Variants in NRDC observed in about 807,000 individuals in gnomAD.
NRDC encodes the protein nardilysin convertase, also known as nardilysin.
A neutral mutation model predicts 147.1 loss-of-function variants in NRDC; 54 were observed. That is an observed-to-expected ratio of 0.37 (90% CI 0.29 to 0.46). The LOEUF is 0.46. NRDC is among the 20% of genes least tolerant of loss of function. The probability of loss-of-function intolerance (pLI) is 1.00; values close to 1 mark genes in which losing one functional copy is unlikely to be tolerated. For missense variants in NRDC, 1,082 were observed against 1,370.6 expected, an observed-to-expected ratio of 0.79 and a Z score of 3.33; for synonymous variants, 440 against 482.1, an observed-to-expected ratio of 0.91 and a Z score of 1.14.
intron 1 of NRDC, among the ~76,000 whole-genome samples, chr1:51,847,419 T>G (rs1681697465): frequency 6.6e-6 from 1 of 152,152 alleles, no homozygotes; most frequent in Non-Finnish European, 1.5e-5. Flanking sequence ...CTGGGCGCCG[T>G]GGAGCAGGGG....
chr1:51,848,861 G>T (rs928001969), intron 1 of NRDC, among the ~76,000 whole-genome samples: 2 of 152,162 alleles, frequency 1.3e-5, no homozygotes, highest in African/African-American at 4.8e-5. Context: ...AAAAAGGTCT[G>T]TTATTTGCCC....
At chr1:51,850,211 A>G (rs1167739601) in intron 1 of NRDC, among the ~76,000 whole-genome samples, 4 of 152,042 alleles carry the variant, frequency 2.6e-5, no homozygotes, top group Non-Finnish European at 5.9e-5. Flanking sequence ...AAATAAAAAT[A>G]CAGACTTTTA....
At chr1:51,827,455 G>A (rs953557854) in intron 5 of NRDC, among the ~76,000 whole-genome samples, 10 of 152,150 alleles carry the variant, frequency 6.6e-5, no homozygotes, top group African/African-American at 9.7e-5. Flanking sequence ...ATGTAATTAA[G>A]GAATATTTAT....
intron 16 of NRDC, among the ~76,000 whole-genome samples, chr1:51,809,905 CAA>C (rs1342175582): frequency 3.0e-5 from 4 of 132,968 alleles, no homozygotes; most frequent in Non-Finnish European, 3.3e-5. Flanking sequence ...AACTCTGTCT[CAA>C]AAAAAAAAAA....
intron 8 of NRDC, among the ~76,000 whole-genome samples, chr1:51,820,575 T>C (rs1485660310): frequency 1.3e-5 from 2 of 152,100 alleles, no homozygotes; most frequent in Non-Finnish European, 1.5e-5. Flanking sequence ...AGACTTCTAA[T>C]CAGAAAAAAC....
chr1:51,817,960 T>C (rs1215215350), intron 10 of NRDC, 106 bp downstream of exon 10: 2 of 765,430 alleles, frequency 2.6e-6, no homozygotes, highest in African/African-American at 1.8e-5. Flanking sequence ...GGTTACCGTA[T>C]TGCTATGTTT....
At chr1:51,861,911 C>A (rs903377867) in intron 1 of NRDC, among the ~76,000 whole-genome samples, 8 of 152,074 alleles carry the variant, frequency 5.3e-5, no homozygotes, top group African/African-American at 1.7e-4. Context: ...GACTGCAGAG[C>A]TTTTAGTAAT....
intron 1 of NRDC, among the ~76,000 whole-genome samples, chr1:51,842,128 G>C (rs1019966216): frequency 6.6e-6 from 1 of 151,982 alleles, no homozygotes; most frequent in East Asian, 1.9e-4. Flanking sequence ...AGCCCAGATC[G>C]GGCCACTTTA....
intron 1 of NRDC, among the ~76,000 whole-genome samples, chr1:51,856,691 T>G (rs544480810): frequency 1.1e-3 from 170 of 152,160 alleles, no homozygotes; most frequent in African/African-American, 4.0e-3. Context: ...CCTCCTGGGT[T>G]TTTATGGAAA....
chr1:51,871,864 T>C (rs1683100229), intron 1 of NRDC, among the ~76,000 whole-genome samples: 1 of 151,538 alleles, frequency 6.6e-6, no homozygotes, highest in South Asian at 2.1e-4. Flanking sequence ...AACAGGGCGT[T>C]TTTGTTTGTT....
At chr1:51,836,549 T>C in intron 2 of NRDC, 1 of 870,788 alleles carries the variant, frequency 1.1e-6, no homozygotes, top group Non-Finnish European at 1.8e-6. Flanking sequence ...GTTTTTTCCC[T>C]GAATTACTAG....
At chr1:51,835,792 TG>T (rs1470621163) in intron 3 of NRDC, among the ~76,000 whole-genome samples, 1 of 152,212 alleles carries the variant, frequency 6.6e-6, no homozygotes, top group Admixed American at 6.5e-5. Context: ...GATGTTTGGC[TG>T]GGGGCCTTGC....
chr1:51,798,730 C>A, intron 21 of NRDC: 1 of 191,824 alleles, frequency 5.2e-6, no homozygotes, highest in Non-Finnish European at 1.1e-5. Flanking sequence ...AAAATTATTA[C>A]TATTTTGGTT....
At chr1:51,856,228 T>C (rs1197977232) in intron 1 of NRDC, among the ~76,000 whole-genome samples, 1 of 152,208 alleles carries the variant, frequency 6.6e-6, no homozygotes, top group Non-Finnish European at 1.5e-5. Flanking sequence ...TTTTCTCTCA[T>C]ACTACTACAA....
rs1156435438 is a variant in NRDC, at chr1:51,878,294, T to A, written c.322A>T (p.Ser108Cys). The change falls in exon 1 of 31, where the codon AGC (serine) becomes TGC (cysteine). Residue 108 changes from serine to cysteine, a missense_variant. Ser to Cys is a moderately radical substitution (Grantham distance 112). Coordinates refer to ENST00000352171, the MANE Select transcript of NRDC (RefSeq NM_001101662.2). Reference protein sequence around the residue: ...AGDPEIVKSPSDPKQYRYIKL... With the variant: ...AGDPEIVKSPCDPKQYRYIKL... ...CCTCACCGGTATTGCTTGGGGTCGC[T>A]GGGAGACTTGACGATCTCAGGGTCC... The A allele has an allele frequency of 6.2e-7, 1 of 1,613,404 alleles. No homozygotes were observed. Among genetic ancestry groups the A allele is most frequent in the African/African-American group, 1.3e-5 (1 of 74,994 alleles).
chr1:51,860,188 A>T, intron 1 of NRDC: 1 of 158,002 alleles, frequency 6.3e-6, no homozygotes. Flanking sequence ...TGGATTTGAC[A>T]CCCATCAGCA....
At chr1:51,798,594 C>T in intron 21 of NRDC, 183 bp from the exon 22 acceptor site, 1 of 533,064 alleles carries the variant, frequency 1.9e-6, no homozygotes, top group South Asian at 3.0e-5. Context: ...ACCACATACA[C>T]AAACTTTAAA....
chr1:51,821,436 C>G, intron 8 of NRDC, 62 bp downstream of exon 8: 1 of 1,123,014 alleles, frequency 8.9e-7, no homozygotes, highest in Non-Finnish European at 1.3e-6. Context: ...CTTTGGGACT[C>G]ATACAAGATA....
At chr1:51,833,709 A>G (rs1384811455) in intron 4 of NRDC, among the ~76,000 whole-genome samples, 1 of 152,082 alleles carries the variant, frequency 6.6e-6, no homozygotes, top group African/African-American at 2.4e-5. Flanking sequence ...CCTGGACCCA[A>G]GCAATCCTTC....
Sources: allele counts gnomAD v4.1 joint callset (sites outside exome capture counted in the v4.1 genomes callset), GRCh38; gene constraint gnomAD v4.1.1; transcripts MANE v1.5; gene names NCBI Gene and HGNC (gene_info 2026-07-23, HGNC 2026-07-21).